The following BTBD7 variants were observed in gnomAD, a reference collection of about 807,000 sequenced individuals.
The protein encoded by BTBD7 is BTB/POZ domain-containing protein 7.
A neutral mutation model predicts 99.9 loss-of-function variants in BTBD7; 38 were observed. The observed-to-expected ratio is 0.38, with a 90% CI of 0.29 to 0.50. The LOEUF is 0.50. BTBD7 is among the 20% of genes least tolerant of loss of function. The probability of loss-of-function intolerance (pLI) is 0.93; values close to 1 mark genes in which losing one functional copy is unlikely to be tolerated. For synonymous variants in BTBD7, 520 were observed against 511.4 expected (o/e 1.02, Z -0.23); for missense variants, 1,170 against 1,394.6 (o/e 0.84, Z 2.57).
chr14:93,276,264 G>C (rs1404206998), intron 3 of BTBD7, among the ~76,000 whole-genome samples: 1 of 152,160 alleles, frequency 6.6e-6, no homozygotes, highest in African/African-American at 2.4e-5. Context: ...TGCCAGTCAG[G>C]CATTACTAAT....
intron 3 of BTBD7, among the ~76,000 whole-genome samples, chr14:93,290,222 T>A (rs1245735191): frequency 6.6e-6 from 1 of 151,864 alleles, no homozygotes; most frequent in Non-Finnish European, 1.5e-5. Flanking sequence ...TTAATTTTTT[T>A]TTTTTTTTGA....
intron 1 of BTBD7, among the ~76,000 whole-genome samples, chr14:93,309,304 G>A (rs1326773216): frequency 6.6e-6 from 1 of 151,210 alleles, no homozygotes; most frequent in African/African-American, 2.4e-5. Context: ...GTCAAATAAA[G>A]AGTAAAATGG....
chr14:93,312,025 G>A (rs1405081778), intron 1 of BTBD7, among the ~76,000 whole-genome samples: 1 of 150,814 alleles, frequency 6.6e-6, no homozygotes, highest in African/African-American at 2.4e-5. Flanking sequence ...TCTAGTCCCT[G>A]CCTGCCCCAT....
At chr14:93,327,119 C>T (rs1356738926) in intron 1 of BTBD7, among the ~76,000 whole-genome samples, 2 of 152,182 alleles carry the variant, frequency 1.3e-5, no homozygotes, top group African/African-American at 4.8e-5. Flanking sequence ...CATGACTACA[C>T]CACTGCGCTC....
chr14:93,317,883 A>G (rs191596577), intron 1 of BTBD7, among the ~76,000 whole-genome samples: 6 of 152,314 alleles, frequency 3.9e-5, no homozygotes, highest in Non-Finnish European at 8.8e-5. Context: ...ATACCCCAAT[A>G]AACACCCTGG....
chr14:93,298,080 T>C (rs1331722915), intron 1 of BTBD7, among the ~76,000 whole-genome samples: 2 of 152,206 alleles, frequency 1.3e-5, no homozygotes, highest in Non-Finnish European at 2.9e-5. Context: ...TTTATTTCTA[T>C]TGACTGAGTA....
intron 3 of BTBD7, among the ~76,000 whole-genome samples, chr14:93,285,156 GAGAC>G (rs1405743075): frequency 2.6e-5 from 4 of 152,140 alleles, no homozygotes; most frequent in Admixed American, 2.6e-4. Flanking sequence ...CAACAGAACT[GAGAC>G]AGAGGGAAGA....
rs2052233968 is a variant in BTBD7 at position 93,241,831 on chromosome 14, A to C, written c.*442T>G. 1 of 164,188 alleles carries C rather than the reference A, an allele frequency of 6.1e-6. No homozygotes were observed. The highest frequency in any genetic ancestry group is 2.4e-5 in the African/African-American group (1 of 41,816). 10.2% of individuals were successfully genotyped at this position (164,188 alleles called of 1,614,324 possible). On this transcript the variant is annotated 3_prime_UTR_variant, in exon 11 of 11. Transcript: ENST00000334746. ...AAACACAGAACTATTTCGTAAGAAA[A>C]TACATCTTAGTGTGCAATCCAATGC...
intron 1 of BTBD7, 49 bp downstream of exon 1, chr14:93,332,771 C>G (rs1296356068): frequency 1.4e-6 from 2 of 1,455,674 alleles, no homozygotes; most frequent in East Asian, 3.1e-5. Flanking sequence ...CGCGCCACAC[C>G]GGACACAGCC....
chr14:93,253,866 A>T, intron 6 of BTBD7, 76 bp from the exon 7 acceptor site: 1 of 629,166 alleles, frequency 1.6e-6, no homozygotes, highest in Non-Finnish European at 2.3e-6. Flanking sequence ...AAATATTTAT[A>T]ACTATAAATA....
At position 93,331,882 on chromosome 14, in the gene BTBD7, C is replaced by CCCCG. The variant is rs1447325583; in HGVS notation, c.-107+937_-107+938insCGGG. On this transcript the variant is annotated intron_variant, in intron 1 of 10. Transcript: ENST00000334746. The stretch of plus-strand genomic sequence containing the variant: ...GGTGACAGAGCGAGACTCCGTCTCC[C>CCCCG]CCCCCCCAAAAAGGTTGTTAGTTGA... Among the ~76,000 whole-genome samples the CCCCG allele has an allele frequency of 2.1e-5, 3 of 146,190 alleles. 1 individual carries two copies. The highest frequency in any genetic ancestry group is 4.4e-5 in the Non-Finnish European group (3 of 67,448).
intron 8 of BTBD7, 128 bp from the exon 9 acceptor site, chr14:93,248,782 T>G: frequency 1.2e-6 from 1 of 859,518 alleles, no homozygotes; most frequent in Non-Finnish European, 1.7e-6. Flanking sequence ...GTATCTTAAT[T>G]TCCTGGGAAC....
rs2053471087 is a variant in BTBD7, at chr14:93,332,910, C to A, written c.-197G>T. 7.7e-7 allele frequency: 1 copy of A among 1,294,982 alleles called. No homozygotes were observed. Among genetic ancestry groups the A allele is most frequent in the Non-Finnish European group, 1.0e-6 (1 of 977,580 alleles). The allele number at this position is 1,294,982 out of a possible 1,614,324, so 80.2% of individuals were successfully genotyped here. A position where few individuals can be genotyped will look rare whatever the true frequency, so the allele number is the denominator to read the frequency against. On this transcript the variant is annotated 5_prime_UTR_variant, in exon 1 of 11. Coordinates refer to ENST00000334746, the MANE Select transcript of BTBD7 (RefSeq NM_001002860.4). ...CCACCAGCACCGCCGTCCGCACCGG[C>A]GCCAGCACCCCCGGCCATCCTCCTC...
At chr14:93,319,049 A>C (rs1290575159) in intron 1 of BTBD7, among the ~76,000 whole-genome samples, 1 of 152,194 alleles carries the variant, frequency 6.6e-6, no homozygotes, top group Non-Finnish European at 1.5e-5. Flanking sequence ...TTACAAAAAA[A>C]CAGAAAAATT....
intron 1 of BTBD7, among the ~76,000 whole-genome samples, chr14:93,308,675 A>G (rs1331249760): frequency 1.3e-5 from 2 of 152,238 alleles, no homozygotes; most frequent in African/African-American, 4.8e-5. Context: ...AGCCTTAAAA[A>G]GGAAGGAAAT....
Position 93,246,259 on chromosome 14 carries a change from G to T in BTBD7, c.2149C>A (p.Arg717Ser). 1 of 1,495,724 alleles carries T rather than the reference G, an allele frequency of 6.7e-7. No individual in the cohort carries two copies. 92.7% of individuals were successfully genotyped at this position (1,495,724 alleles called of 1,614,324 possible). Residue 717 changes from arginine (R) to serine (S), a missense_variant, in exon 10 of 11, where the codon CGT (arginine) becomes AGT (serine). Around this residue, in one of 4 missense-constraint regions of BTBD7, gnomAD observed 495 missense variants for 525.9 expected, o/e 0.94. Transcript: ENST00000334746. ...QNPHKFFPDERFGDESPLLTM... is the reference protein window; with the variant it reads ...QNPHKFFPDESFGDESPLLTM... ...AAGAGTGGACTTTCATCCCCAAAAC[G>T]TTCATCAGGAAAGAATTTGTGAGGA...
chr14:93,272,082 G>A (rs979965742), intron 3 of BTBD7, among the ~76,000 whole-genome samples: 22 of 152,118 alleles, frequency 1.4e-4, no homozygotes, highest in African/African-American at 5.3e-4. Flanking sequence ...ACTTTGGGAG[G>A]CCGAGGTGGG....
chr14:93,265,914 T>C (rs1168004075), intron 3 of BTBD7, among the ~76,000 whole-genome samples: 1 of 152,188 alleles, frequency 6.6e-6, no homozygotes, highest in Non-Finnish European at 1.5e-5. Flanking sequence ...AGAGTGAGAC[T>C]CTGTCTCGAA....
intron 3 of BTBD7, among the ~76,000 whole-genome samples, chr14:93,275,018 A>T (rs902500810): frequency 6.6e-6 from 1 of 152,220 alleles, no homozygotes. Flanking sequence ...GTAGAAAAAG[A>T]AGTAGGCAAT....
Sources: gnomAD v4.1 joint callset for allele counts (sites outside exome capture counted in the v4.1 genomes callset) on GRCh38, gnomAD v4.1.1 for gene constraint, gnomAD v4.1.1 regional missense constraint, MANE v1.5 for transcripts, NCBI Gene and HGNC (gene_info 2026-07-23, HGNC 2026-07-21) for gene names.